The following PLXNA4 variants were observed in gnomAD, a reference collection of about 807,000 sequenced individuals.
The protein encoded by PLXNA4 is plexin-A4.
In PLXNA4, 44 loss-of-function variants were observed where a neutral mutation model predicts 191.8. The ratio of observed to expected loss-of-function variants is 0.23; its 90% confidence interval spans 0.18 to 0.29. The LOEUF is 0.29. Ranked by LOEUF, PLXNA4 falls within the 10% of genes least tolerant of loss-of-function variation. PLXNA4 has a pLI of 1.00. For synonymous variants in PLXNA4, 1,082 were observed against 1,009.5 expected (o/e 1.07, Z -1.36); for missense variants, 1,800 against 2,488.8 (o/e 0.72, Z 5.89).
chr7:132,345,002 T>G (rs957155251), intron 3 of PLXNA4, among the ~76,000 whole-genome samples: 1 of 152,142 alleles, frequency 6.6e-6, no homozygotes, highest in Non-Finnish European at 1.5e-5. Flanking sequence ...AATACATATT[T>G]TCCCCAACAG....
chr7:132,432,834 C>T (rs936206796), intron 3 of PLXNA4, among the ~76,000 whole-genome samples: 15 of 152,212 alleles, frequency 9.9e-5, no homozygotes, highest in Non-Finnish European at 1.5e-4. Context: ...TTTCCAGAAA[C>T]ACACCACTAG....
At chr7:132,516,578 G>A (rs763624689) in intron 1 of PLXNA4, among the ~76,000 whole-genome samples, 46 of 152,308 alleles carry the variant, frequency 3.0e-4, no homozygotes, top group African/African-American at 9.4e-4. Flanking sequence ...ATGCACTCCT[G>A]TATTCAGCCA....
chr7:132,165,367 C>T (rs779960155), intron 22 of PLXNA4, among the ~76,000 whole-genome samples, 167 bp from the exon 23 acceptor site: 21 of 152,234 alleles, frequency 1.4e-4, no homozygotes, highest in Non-Finnish European at 2.6e-4. Context: ...TTCATGGACT[C>T]CTAGACGCCC....
chr7:132,217,733 G>T (rs147838144), intron 9 of PLXNA4, among the ~76,000 whole-genome samples: 21 of 152,030 alleles, frequency 1.4e-4, no homozygotes, highest in Admixed American at 5.9e-4. Flanking sequence ...TTCATAGAGA[G>T]AGCAAAGTAA....
chr7:132,386,415 T>TCATTAACACC (rs1805142741), intron 3 of PLXNA4, among the ~76,000 whole-genome samples: 1 of 152,212 alleles, frequency 6.6e-6, no homozygotes, highest in Non-Finnish European at 1.5e-5. Context: ...GCACTTGGGT[T>TCATTAACACC]CATTAACACC....
At chr7:132,561,748 TCTC>T (rs1241081889) in intron 1 of PLXNA4, among the ~76,000 whole-genome samples, 28 of 47,632 alleles carry the variant, frequency 5.9e-4, no homozygotes, top group Admixed American at 8.6e-4. Context: ...TCCTCCTTCT[TCTC>T]CTCCTCCTCC....
At position 132,241,116 on chromosome 7, in the gene PLXNA4, C is replaced by T. The variant is rs1798861758; in HGVS notation, c.1554G>A (p.Glu518=). 1.2e-6 allele frequency: 2 copies of T among 1,613,386 alleles called. No individual in the cohort carries two copies. The highest frequency in any genetic ancestry group is 1.7e-6 in the Non-Finnish European group (2 of 1,179,456). The change falls in exon 5 of 32, where the codon GAG becomes GAA. Residue 518 remains glutamate, a synonymous_variant. Coordinates refer to ENST00000321063, the MANE Select transcript of PLXNA4 (RefSeq NM_020911.2). ...ESCGQYQSCG[E]CLGSGDPHCG... Reference sequence around the variant, plus strand: ...AGTGGGGGTCGCCTGAGCCAAGGCACTCGCCGCAGCTCTGATACTGACCAC... The same window carrying T: ...AGTGGGGGTCGCCTGAGCCAAGGCATTCGCCGCAGCTCTGATACTGACCAC...
At chr7:132,525,055 C>A (rs1351201857) in intron 1 of PLXNA4, among the ~76,000 whole-genome samples, 3 of 152,138 alleles carry the variant, frequency 2.0e-5, no homozygotes, top group Non-Finnish European at 4.4e-5. Flanking sequence ...CTGTACCCAT[C>A]AAATACCAAC....
At chr7:132,282,341 G>A (rs752940174) in intron 4 of PLXNA4, among the ~76,000 whole-genome samples, 1 of 152,020 alleles carries the variant, frequency 6.6e-6, no homozygotes, top group Non-Finnish European at 1.5e-5. Flanking sequence ...GGGAGACCAA[G>A]GCAGGTGGAT....
upstream of PLXNA4, among the ~76,000 whole-genome samples, chr7:132,582,114 C>T (rs772926981): frequency 1.3e-5 from 2 of 152,136 alleles, no homozygotes; most frequent in East Asian, 3.8e-4. Flanking sequence ...CACAAGGTCC[C>T]GTAGTATGCC....
chr7:132,160,092 T>G (rs1450892831), intron 24 of PLXNA4, among the ~76,000 whole-genome samples: 2 of 152,148 alleles, frequency 1.3e-5, no homozygotes, highest in Non-Finnish European at 2.9e-5. Context: ...TTTGTCTGTC[T>G]CCTTCTTGTC....
chr7:132,576,452 G>C lies in PLXNA4; in HGVS notation c.-117C>G. 1 of 985,802 alleles carries C rather than the reference G, an allele frequency of 1.0e-6. No homozygotes were observed. Among genetic ancestry groups the C allele is most frequent in the African/African-American group, 1.7e-5 (1 of 57,320 alleles). 61.1% of individuals were successfully genotyped at this position (985,802 alleles called of 1,614,324 possible). On this transcript the variant is annotated 5_prime_UTR_variant, in exon 1 of 32. Transcript: ENST00000321063. The surrounding 1 kb of genome is among the most constrained non-coding windows in gnomAD (Gnocchi z 5.8). ...CGCGCCGCGTTTCCCTCCTTCAGCG[G>C]GAGCGCCGCATTGACACTGCAGATG...
chr7:132,412,535 C>A (rs1291382445), intron 3 of PLXNA4, among the ~76,000 whole-genome samples: 2 of 152,198 alleles, frequency 1.3e-5, no homozygotes, highest in African/African-American at 4.8e-5. Flanking sequence ...ATAAATATCA[C>A]ACAAAAATCT....
chr7:132,440,653 C>A (rs991461574), intron 3 of PLXNA4, among the ~76,000 whole-genome samples: 3 of 152,138 alleles, frequency 2.0e-5, no homozygotes, highest in African/African-American at 7.2e-5. Flanking sequence ...TTTAAGGGCC[C>A]TCCAAAGAAC....
chr7:132,445,386 A>G (rs1795867016), intron 3 of PLXNA4, among the ~76,000 whole-genome samples: 1 of 151,532 alleles, frequency 6.6e-6, no homozygotes, highest in African/African-American at 2.4e-5. Context: ...GCCACAGCCG[A>G]GTGAGCGCCC....
At chr7:132,568,847 A>G (rs1801850195) in intron 1 of PLXNA4, among the ~76,000 whole-genome samples, 1 of 152,214 alleles carries the variant, frequency 6.6e-6, no homozygotes, top group Admixed American at 6.5e-5. Flanking sequence ...AGGAAAACAG[A>G]GTCAGTATCT....
chr7:132,532,911 C>A (rs887848180), intron 1 of PLXNA4, among the ~76,000 whole-genome samples: 1 of 152,172 alleles, frequency 6.6e-6, no homozygotes, highest in Admixed American at 6.5e-5. Flanking sequence ...TATTTATTCC[C>A]TCTAGGCCTC....
At chr7:132,590,635 G>A (rs76940159) in intron 2 of PLXNA4, among the ~76,000 whole-genome samples, 1 of 152,168 alleles carries the variant, frequency 6.6e-6, no homozygotes, top group African/African-American at 2.4e-5. Context: ...GTCTTTCCAC[G>A]TTCTTCTGCC....
chr7:132,156,593 G>T (rs1013055693), intron 25 of PLXNA4, among the ~76,000 whole-genome samples: 3 of 152,238 alleles, frequency 2.0e-5, no homozygotes, highest in Non-Finnish European at 4.4e-5. Flanking sequence ...AAGCACAGCG[G>T]GTGCGGGGAG....
Sources: gnomAD v4.1 joint callset for allele counts (sites outside exome capture counted in the v4.1 genomes callset) on GRCh38, gnomAD v4.1.1 for gene constraint, Gnocchi (gnomAD v3.1) non-coding constraint, MANE v1.5 for transcripts, NCBI Gene and HGNC (gene_info 2026-07-23, HGNC 2026-07-21) for gene names.